PDE3B: variants seen among roughly 807,000 people sequenced by gnomAD.
The protein encoded by PDE3B is phosphodiesterase 3B.
A neutral mutation model predicts 116.8 loss-of-function variants in PDE3B; 66 were observed. The ratio of observed to expected loss-of-function variants is 0.56; its 90% CI spans 0.46 to 0.69. PDE3B has a LOEUF of 0.69. Among genes scored for constraint, PDE3B ranks in the 30% least tolerant of loss-of-function variants. The probability of loss-of-function intolerance (pLI) is 0.00; values close to 1 mark genes in which losing one functional copy is unlikely to be tolerated. For synonymous variants in PDE3B, 595 were observed against 533.6 expected, an observed-to-expected ratio of 1.12 and a Z score of -1.59; for missense variants, 1,384 against 1,368.1, an observed-to-expected ratio of 1.01 and a Z score of -0.18.
chr11:14,723,218 C>A (rs187120252), intron 1 of PDE3B, among the ~76,000 whole-genome samples: 23 of 152,212 alleles, frequency 1.5e-4, no homozygotes, highest in Non-Finnish European at 4.4e-5. Context: ...TCCAATTTAG[C>A]CATTGTACTA....
chr11:14,730,577 C>T (rs1216318549), intron 1 of PDE3B, among the ~76,000 whole-genome samples: 2 of 152,152 alleles, frequency 1.3e-5, no homozygotes, highest in South Asian at 2.1e-4. Flanking sequence ...TGTTCTTAGA[C>T]GTTTCAGGCC....
At chr11:14,774,017 C>CT (rs1281543201) in intron 2 of PDE3B, 1 of 151,430 alleles carries the variant, frequency 6.6e-6, no homozygotes, top group Non-Finnish European at 1.5e-5. Context: ...TTTCTGGCCT[C>CT]TTTTGTGCTT....
intron 11 of PDE3B, among the ~76,000 whole-genome samples, chr11:14,836,324 TAATATATA>T (rs1429687868): frequency 2.6e-5 from 4 of 151,870 alleles, no homozygotes; most frequent in Non-Finnish European, 5.9e-5. Flanking sequence ...TTGAGAAATA[TAATATATA>T]AATATAATAT....
chr11:14,669,731 G>A (rs145138043), intron 1 of PDE3B, among the ~76,000 whole-genome samples: 1 of 151,790 alleles, frequency 6.6e-6, no homozygotes, highest in African/African-American at 2.4e-5. Flanking sequence ...CTGTCCTTGC[G>A]ATAGCACTAC....
intron 4 of PDE3B, among the ~76,000 whole-genome samples, chr11:14,797,625 C>T (rs1858598355): frequency 6.6e-6 from 1 of 152,058 alleles, no homozygotes; most frequent in Non-Finnish European, 1.5e-5. Context: ...TTGTAGTTCT[C>T]CTTGAAGAGG....
intron 7 of PDE3B, among the ~76,000 whole-genome samples, chr11:14,820,215 AC>A (rs1859476471): frequency 6.7e-6 from 1 of 149,690 alleles, no homozygotes; most frequent in African/African-American, 2.4e-5. Context: ...AGAGGAGGGA[AC>A]ACTTCCCAAC....
At chr11:14,785,713 A>T (rs890029713) in intron 2 of PDE3B, among the ~76,000 whole-genome samples, 28 of 151,894 alleles carry the variant, frequency 1.8e-4, no homozygotes, top group Non-Finnish European at 2.8e-4. Flanking sequence ...AAATTAAAAA[A>T]TTTTTTTCTA....
chr11:14,821,071 A>G (rs1859502394), intron 7 of PDE3B, among the ~76,000 whole-genome samples: 1 of 152,220 alleles, frequency 6.6e-6, no homozygotes, highest in Non-Finnish European at 1.5e-5. Flanking sequence ...ATGAGATTGC[A>G]GTCAGTGCAG....
intron 1 of PDE3B, among the ~76,000 whole-genome samples, chr11:14,701,346 AG>A (rs1855355905): frequency 6.6e-6 from 1 of 151,634 alleles, no homozygotes; most frequent in South Asian, 2.1e-4. Flanking sequence ...TCTCTTTACA[AG>A]TGATAATCAA....
intron 1 of PDE3B, among the ~76,000 whole-genome samples, chr11:14,668,069 C>T (rs891727024): frequency 2.6e-5 from 4 of 151,516 alleles, no homozygotes; most frequent in Non-Finnish European, 5.9e-5. Flanking sequence ...AATCCTATTT[C>T]AGGGGGCTCA....
In PDE3B at chr11:14,786,678, T is replaced by G. The variant is rs199513258; in HGVS notation, c.1271T>G (p.Leu424Arg). The change falls in exon 3 of 16, where the codon CTT becomes CGT. Residue 424 changes from leucine to arginine, a missense_variant. Leu to Arg is a moderately radical substitution (Grantham distance 102). Transcript: ENST00000282096. ...EDPAEKGDRKLNKGLNRNSLP... is the reference protein window; with the variant it reads ...EDPAEKGDRKRNKGLNRNSLP... ...CCAGCTGAGAAAGGGGATAGAAAAC[T>G]TAACAAGGTCGAAATACAGTAATCA... 5.4e-4 allele frequency: 875 copies of G among 1,610,010 alleles called. 11 individuals carry two copies. Among genetic ancestry groups the G allele is most frequent in the Non-Finnish European group, 1.8e-5 (21 of 1,176,576 alleles).
At chr11:14,779,193 G>T (rs917782589) in intron 2 of PDE3B, among the ~76,000 whole-genome samples, 2 of 152,280 alleles carry the variant, frequency 1.3e-5, no homozygotes, top group East Asian at 3.9e-4. Context: ...TACGTCTGAT[G>T]GGTGTACCTG....
intron 1 of PDE3B, among the ~76,000 whole-genome samples, chr11:14,693,165 A>C (rs1411562260): frequency 6.6e-6 from 1 of 152,224 alleles, no homozygotes; most frequent in Non-Finnish European, 1.5e-5. Flanking sequence ...GAGAGAAGTA[A>C]GGAAGCTGCA....
At chr11:14,735,241 A>G (rs1376452054) in intron 1 of PDE3B, among the ~76,000 whole-genome samples, 2 of 152,216 alleles carry the variant, frequency 1.3e-5, no homozygotes, top group African/African-American at 4.8e-5. Flanking sequence ...AAATGATAAT[A>G]TAGAGAAGTC....
chr11:14,888,196 T>C, the PDE3B span, among the ~76,000 whole-genome samples: 1 of 152,212 alleles, frequency 6.6e-6, no homozygotes, highest in South Asian at 2.1e-4. Context: ...ACTCTTTGAA[T>C]ATATTATATA....
chr11:14,814,366 G>T (rs1379234063), intron 5 of PDE3B, among the ~76,000 whole-genome samples: 2 of 151,890 alleles, frequency 1.3e-5, no homozygotes, highest in African/African-American at 4.8e-5. Flanking sequence ...AATCTAGAAG[G>T]CTCTAAAAAT....
At chr11:14,867,175 C>T (rs1274416846) in intron 14 of PDE3B, among the ~76,000 whole-genome samples, 2 of 151,846 alleles carry the variant, frequency 1.3e-5, no homozygotes, top group Admixed American at 6.6e-5. Context: ...TATGCTTTTG[C>T]CCCTAGATAA....
chr11:14,888,197 A>G, the PDE3B span, among the ~76,000 whole-genome samples: 6 of 152,144 alleles, frequency 3.9e-5, no homozygotes, highest in African/African-American at 7.2e-5. Flanking sequence ...CTCTTTGAAT[A>G]TATTATATAA....
intron 1 of PDE3B, among the ~76,000 whole-genome samples, chr11:14,663,828 T>A (rs986467102): frequency 1.3e-5 from 2 of 152,086 alleles, no homozygotes; most frequent in African/African-American, 4.8e-5. Context: ...ATGGGAGACT[T>A]TAACACCCCA....
Sources: allele counts gnomAD v4.1 joint callset (sites outside exome capture counted in the v4.1 genomes callset), GRCh38; gene constraint gnomAD v4.1.1; transcripts MANE v1.5; gene names NCBI Gene and HGNC (gene_info 2026-07-23, HGNC 2026-07-21).